CCDC149: variants seen among roughly 807,000 people sequenced by gnomAD.
The protein encoded by CCDC149 is coiled-coil domain-containing protein 149.
Under a neutral mutation model 59.9 loss-of-function variants are expected in CCDC149, and 45 were observed. The observed-to-expected ratio is 0.75, with a 90% CI of 0.59 to 0.96. CCDC149 has a LOEUF of 0.96. CCDC149 is among the 40% of genes least tolerant of loss of function. CCDC149 has a pLI of 0.00. For synonymous variants in CCDC149, 245 were observed against 260.6 expected (o/e 0.94, Z 0.58); for missense variants, 584 against 664.7 (o/e 0.88, Z 1.33).
At chr4:24,826,122 AT>A (rs1260702153) in intron 9 of CCDC149, among the ~76,000 whole-genome samples, 37 of 145,946 alleles carry the variant, frequency 2.5e-4, no homozygotes, top group Admixed American at 4.1e-4. Flanking sequence ...CGCCTGGCTA[AT>A]TTTTTTTTTT....
intron 1 of CCDC149, among the ~76,000 whole-genome samples, chr4:24,947,127 C>A (rs966795529): frequency 6.6e-6 from 1 of 152,168 alleles, no homozygotes. Context: ...AGAATCTCAG[C>A]TGAATTTTCA....
chr4:24,874,244 G>GTTTTTTTTTTTTTGTTTTTTTTTTT (rs1719242320), intron 2 of CCDC149, among the ~76,000 whole-genome samples: 1 of 87,488 alleles, frequency 1.1e-5, no homozygotes, highest in African/African-American at 5.8e-5. Context: ...TATTAGATTT[G>GTTTTTTTTTTTTTGTTTTTTTTTTT]TTTTTTTTTT....
intron 1 of CCDC149, among the ~76,000 whole-genome samples, chr4:24,972,004 C>G (rs1723984000): frequency 6.6e-6 from 1 of 152,206 alleles, no homozygotes; most frequent in Non-Finnish European, 1.5e-5. Flanking sequence ...AGTTGTCCCA[C>G]CTTTCCAGAA....
intron 3 of CCDC149, among the ~76,000 whole-genome samples, chr4:24,862,230 C>T (rs1007455208): frequency 8.5e-5 from 13 of 152,120 alleles, no homozygotes; most frequent in African/African-American, 2.7e-4. Context: ...TAAGACCTGA[C>T]GAGAAATTGA....
intron 1 of CCDC149, among the ~76,000 whole-genome samples, chr4:24,978,108 G>A (rs1724285884): frequency 6.6e-6 from 1 of 152,178 alleles, no homozygotes; most frequent in Non-Finnish European, 1.5e-5. Context: ...TCCAGCCTCA[G>A]TGACAGGGCA....
intron 1 of CCDC149, among the ~76,000 whole-genome samples, chr4:24,887,437 G>A (rs946969353): frequency 4.0e-4 from 61 of 152,188 alleles, no homozygotes; most frequent in African/African-American, 1.4e-3. Context: ...AAACAGACAT[G>A]GCCAAAGAGT....
chr4:24,949,774 G>A (rs1723227645), intron 1 of CCDC149, among the ~76,000 whole-genome samples: 1 of 152,200 alleles, frequency 6.6e-6, no homozygotes, highest in African/African-American at 2.4e-5. Context: ...GCATTGTGGA[G>A]TTAGGATCTA....
intron 1 of CCDC149, among the ~76,000 whole-genome samples, chr4:24,938,589 G>A (rs1033142997): frequency 1.3e-5 from 2 of 152,294 alleles, no homozygotes; most frequent in African/African-American, 4.8e-5. Context: ...GCCGAAGCAG[G>A]GCGAGGAATC....
chr4:24,878,343 T>C (rs1179471485), intron 1 of CCDC149, among the ~76,000 whole-genome samples: 3 of 152,306 alleles, frequency 2.0e-5, no homozygotes, highest in Non-Finnish European at 1.5e-5. Context: ...ATTTTATTCC[T>C]GGCAGTAATG....
At chr4:24,850,493 AACAGC>A (rs1717591141) in intron 4 of CCDC149, among the ~76,000 whole-genome samples, 1 of 152,164 alleles carries the variant, frequency 6.6e-6, no homozygotes, top group Non-Finnish European at 1.5e-5. Context: ...AGATTGAGCA[AACAGC>A]AGGCACAAAG....
chr4:24,865,619 T>C (rs1317140230), intron 3 of CCDC149, among the ~76,000 whole-genome samples: 1 of 152,214 alleles, frequency 6.6e-6, no homozygotes, highest in East Asian at 1.9e-4. Context: ...AATCTCAAAA[T>C]ACACACTTGT....
chr4:24,808,959 G>T, intron 12 of CCDC149, 140 bp from the exon 13 acceptor site: 1 of 718,446 alleles, frequency 1.4e-6, no homozygotes, highest in Non-Finnish European at 2.3e-6. Context: ...CCTGTGCAGG[G>T]CAATGGAGCC....
At chr4:24,972,728 T>TG (rs1168370346) in intron 1 of CCDC149, among the ~76,000 whole-genome samples, 1 of 152,190 alleles carries the variant, frequency 6.6e-6, no homozygotes, top group Non-Finnish European at 1.5e-5. Context: ...AATCTGACCC[T>TG]GGCATAACAT....
At chr4:24,831,358 C>T (rs1324316347) in intron 9 of CCDC149, 148 bp downstream of exon 9, 2 of 741,564 alleles carry the variant, frequency 2.7e-6, no homozygotes, top group African/African-American at 3.6e-5. Flanking sequence ...AGCAGAAGCA[C>T]CATTCTAGTT....
At chr4:24,834,393 C>T (rs1716357921) in intron 8 of CCDC149, among the ~76,000 whole-genome samples, 1 of 151,912 alleles carries the variant, frequency 6.6e-6, no homozygotes, top group African/African-American at 2.4e-5. Context: ...TTGGAATCGA[C>T]AAGAAGGAGG....
chr4:24,968,928 T>C (rs1723883052), intron 1 of CCDC149, among the ~76,000 whole-genome samples: 1 of 152,244 alleles, frequency 6.6e-6, no homozygotes, highest in South Asian at 2.1e-4. Flanking sequence ...TAACTATTTA[T>C]CACGTGTCAG....
intron 9 of CCDC149, 67 bp from the exon 10 acceptor site, chr4:24,822,640 C>A: frequency 9.4e-7 from 1 of 1,061,724 alleles, no homozygotes; most frequent in Non-Finnish European, 1.4e-6. Context: ...CCTGGGAATC[C>A]CACTGGTGCC....
At chr4:24,968,902 G>T (rs1292326951) in intron 1 of CCDC149, among the ~76,000 whole-genome samples, 2 of 152,192 alleles carry the variant, frequency 1.3e-5, no homozygotes, top group Admixed American at 1.3e-4. Context: ...CTGGGAAATA[G>T]GTCATCAGAA....
chr4:24,900,524 A>G (rs1317427103), intron 1 of CCDC149, among the ~76,000 whole-genome samples: 1 of 152,210 alleles, frequency 6.6e-6, no homozygotes, highest in Non-Finnish European at 1.5e-5. Flanking sequence ...GTCCTGCACT[A>G]CCTGAGCCAC....
Sources: allele counts gnomAD v4.1 joint callset (sites outside exome capture counted in the v4.1 genomes callset), GRCh38; gene constraint gnomAD v4.1.1; transcripts MANE v1.5; gene names NCBI Gene and HGNC (gene_info 2026-07-23, HGNC 2026-07-21).